The following MPDZ variants were observed in gnomAD, a reference collection of about 807,000 sequenced individuals.
The protein encoded by MPDZ is multiple PDZ domain protein.
MPDZ carries 234 observed loss-of-function variants against 239.1 expected under a neutral mutation model. That is an observed-to-expected ratio of 0.98 (90% CI 0.88 to 1.09). MPDZ has a LOEUF of 1.09. Among genes scored for constraint, MPDZ ranks in the 50% least tolerant of loss-of-function variants. The probability of loss-of-function intolerance (pLI) is 0.00; values close to 1 mark genes in which losing one functional copy is unlikely to be tolerated. For missense variants in MPDZ, 3,175 were observed against 2,510.0 expected, an observed-to-expected ratio of 1.26 and a Z score of -5.66; for synonymous variants, 1,048 against 881.3, an observed-to-expected ratio of 1.19 and a Z score of -3.35.
intron 32 of MPDZ, among the ~76,000 whole-genome samples, chr9:13,130,631 G>A (rs1056872820): frequency 6.6e-6 from 1 of 152,210 alleles, no homozygotes; most frequent in African/African-American, 2.4e-5. Flanking sequence ...GACATTAATA[G>A]TAAGCACTAT....
chr9:13,202,149 CTGT>C (rs1014227323), intron 12 of MPDZ, among the ~76,000 whole-genome samples: 1 of 152,132 alleles, frequency 6.6e-6, no homozygotes, highest in African/African-American at 2.4e-5. Context: ...AAATGCTGGG[CTGT>C]TGTTTTTTTC....
At chr9:13,273,393 C>T (rs1050596597) in intron 1 of MPDZ, among the ~76,000 whole-genome samples, 1 of 152,122 alleles carries the variant, frequency 6.6e-6, no homozygotes, top group African/African-American at 2.4e-5. Context: ...AGGATAGCTT[C>T]TCATGACCAT....
chr9:13,130,063 C>T (rs1945730195), intron 32 of MPDZ, among the ~76,000 whole-genome samples: 1 of 152,136 alleles, frequency 6.6e-6, no homozygotes, highest in Non-Finnish European at 1.5e-5. Context: ...TGAAACACAG[C>T]TTTGACAATC....
Position 13,176,430 on chromosome 9 carries a change from AAAC to A in MPDZ, c.2650-16_2650-14del, listed in dbSNP as rs771077778. 1.1e-5 allele frequency: 16 copies of A among 1,522,768 alleles called. No homozygotes were observed. Among genetic ancestry groups the A allele is most frequent in the Admixed American group, 8.4e-5 (4 of 47,512 alleles). The allele number at this position is 1,522,768 out of a possible 1,614,324, so 94.3% of individuals were successfully genotyped here. A position where few individuals can be genotyped will look rare whatever the true frequency, so the allele number is the denominator to read the frequency against. ...TTTCAATAACATCCTGGTAGTTAAA[AAAC>A]AACAACAACAAAACATGAAAAATGT... On this transcript the variant is annotated splice_polypyrimidine_tract_variant and intron_variant, in intron 19 of 46. Coordinates refer to ENST00000319217, the MANE Select transcript of MPDZ (RefSeq NM_001378778.1).
At chr9:13,134,494 T>C (rs1946458110) in intron 31 of MPDZ, 1 of 152,322 alleles carries the variant, frequency 6.6e-6, no homozygotes, top group East Asian at 1.9e-4. Flanking sequence ...ATCTATCTTA[T>C]GTATACATAA....
chr9:13,259,443 A>G (rs1970168707), intron 1 of MPDZ, among the ~76,000 whole-genome samples: 1 of 152,190 alleles, frequency 6.6e-6, no homozygotes, highest in African/African-American at 2.4e-5. Flanking sequence ...CACTTACATG[A>G]CTAGCATGTT....
intron 13 of MPDZ, among the ~76,000 whole-genome samples, chr9:13,193,567 C>G (rs1432615012): frequency 1.3e-5 from 2 of 152,068 alleles, no homozygotes; most frequent in Admixed American, 1.3e-4. Flanking sequence ...ATCTGTTTCT[C>G]ATAAATAGGT....
intron 38 of MPDZ, chr9:13,120,741 T>G (rs1188619766): frequency 6.6e-6 from 1 of 152,194 alleles, no homozygotes; most frequent in Non-Finnish European, 1.5e-5. Context: ...GGTTTGGCAA[T>G]TCTGAAGAAT....
At chr9:13,173,111 G>A (rs1389177636) in intron 21 of MPDZ, among the ~76,000 whole-genome samples, 2 of 152,196 alleles carry the variant, frequency 1.3e-5, no homozygotes, top group South Asian at 4.1e-4. Flanking sequence ...ACAGGGGACT[G>A]GTAGAGAGAG....
chr9:13,191,017 ATAACT>A (rs753867831), intron 15 of MPDZ, among the ~76,000 whole-genome samples: 3 of 152,174 alleles, frequency 2.0e-5, no homozygotes, highest in Admixed American at 6.6e-5. Flanking sequence ...CTGTATGAAC[ATAACT>A]TAAAGAAAGA....
chr9:13,210,020 C>G (rs541331493), intron 10 of MPDZ, among the ~76,000 whole-genome samples: 1 of 146,754 alleles, frequency 6.8e-6, no homozygotes, highest in South Asian at 2.2e-4. Context: ...GAAACTTACC[C>G]AACTCTACAA....
intron 3 of MPDZ, among the ~76,000 whole-genome samples, chr9:13,230,061 T>C (rs1387490926): frequency 6.6e-6 from 1 of 152,060 alleles, no homozygotes; most frequent in African/African-American, 2.4e-5. Flanking sequence ...AGAGGATATA[T>C]GGCTGGCAAA....
intron 1 of MPDZ, among the ~76,000 whole-genome samples, chr9:13,259,215 G>C (rs932223107): frequency 6.6e-6 from 1 of 151,176 alleles, no homozygotes; most frequent in African/African-American, 2.4e-5. Flanking sequence ...GGATACATTA[G>C]GCTTCCTAAT....
At chr9:13,166,371 C>T (rs1339355825) in intron 22 of MPDZ, among the ~76,000 whole-genome samples, 2 of 152,066 alleles carry the variant, frequency 1.3e-5, no homozygotes, top group Admixed American at 6.6e-5. Flanking sequence ...ACCTAAATGG[C>T]TCTTTGTGTT....
chr9:13,114,277 T>C (rs1193068653), intron 40 of MPDZ, among the ~76,000 whole-genome samples: 1 of 152,196 alleles, frequency 6.6e-6, no homozygotes, highest in African/African-American at 2.4e-5. Flanking sequence ...TAGTGGATAG[T>C]CATAATCTCA....
At chr9:13,228,381 G>A (rs1195578303) in intron 3 of MPDZ, among the ~76,000 whole-genome samples, 1 of 151,824 alleles carries the variant, frequency 6.6e-6, no homozygotes, top group East Asian at 1.9e-4. Context: ...TATGTGAAAG[G>A]GCAAACTAAA....
chr9:13,110,673 T>G lies in MPDZ; in HGVS notation c.5792A>C (p.Asn1931Thr). 6.2e-7 allele frequency: 1 copy of G among 1,613,790 alleles called. No individual in the cohort carries two copies. Among genetic ancestry groups the G allele is most frequent in the Non-Finnish European group, 8.5e-7 (1 of 1,179,802 alleles). ...TEGMTHTQAV[N>T]LLKNASGSIE... The stretch of plus-strand genomic sequence containing the variant: ...GGAGCCAGATGCATTTTTCAGTAGG[T>G]TAACTGCTTGGGTGTGAGTCATGCC... The change falls in exon 44 of 47, where the codon AAC becomes ACC. Residue 1931 changes from asparagine to threonine, a missense_variant. Transcript: ENST00000319217.
At chr9:13,144,790 C>A (rs1280014492) in intron 26 of MPDZ, among the ~76,000 whole-genome samples, 4 of 152,062 alleles carry the variant, frequency 2.6e-5, no homozygotes, top group Admixed American at 6.6e-5. Context: ...TCAACTTTCT[C>A]CCTGCTTTTC....
intron 1 of MPDZ, among the ~76,000 whole-genome samples, chr9:13,278,412 C>T (rs1163447867): frequency 1.3e-5 from 2 of 152,052 alleles, no homozygotes; most frequent in Admixed American, 1.3e-4. Context: ...CGGCCTCTAC[C>T]TCCCGCCGGC....
Sources: allele counts gnomAD v4.1 joint callset (sites outside exome capture counted in the v4.1 genomes callset), GRCh38; gene constraint gnomAD v4.1.1; transcripts MANE v1.5; gene names NCBI Gene and HGNC (gene_info 2026-07-23, HGNC 2026-07-21).